Variants in PCDH17 observed in about 807,000 individuals in gnomAD.
The protein encoded by PCDH17 is protocadherin 17.
Under a neutral mutation model 67.7 loss-of-function variants are expected in PCDH17, and 21 were observed. That is an observed-to-expected ratio of 0.31 (90% CI 0.22 to 0.45). PCDH17 has a LOEUF of 0.45. Ranked by LOEUF, PCDH17 falls within the 20% of genes least tolerant of loss-of-function variation. The probability of loss-of-function intolerance (pLI) is 1.00; values close to 1 mark genes in which losing one functional copy is unlikely to be tolerated. For synonymous variants in PCDH17, 701 were observed against 656.7 expected (o/e 1.07, Z -1.03); for missense variants, 1,471 against 1,564.8 (o/e 0.94, Z 1.01).
intron 1 of PCDH17, among the ~76,000 whole-genome samples, chr13:57,643,522 A>G (rs577634116): frequency 1.3e-5 from 2 of 151,732 alleles, no homozygotes; most frequent in South Asian, 4.1e-4. Context: ...GAATTCTATT[A>G]TAATAGTGTC....
At chr13:57,649,835 A>G (rs1955014283) in intron 1 of PCDH17, among the ~76,000 whole-genome samples, 1 of 152,160 alleles carries the variant, frequency 6.6e-6, no homozygotes, top group African/African-American at 2.4e-5. Flanking sequence ...CTAGGGGAAG[A>G]GTTTCATACT....
intron 3 of PCDH17, among the ~76,000 whole-genome samples, chr13:57,673,968 C>T (rs1955356362): frequency 6.6e-6 from 1 of 151,944 alleles, no homozygotes; most frequent in East Asian, 1.9e-4. Flanking sequence ...TTGCAACTGC[C>T]CCCACAGTTT....
intron 3 of PCDH17, among the ~76,000 whole-genome samples, chr13:57,720,820 T>A (rs927518157): frequency 1.4e-4 from 22 of 152,210 alleles, no homozygotes; most frequent in African/African-American, 5.3e-4. Context: ...TTACTTCATC[T>A]GTTTTGCAAA....
At chr13:57,630,900 G>A (rs886217450), upstream of PCDH17, among the ~76,000 whole-genome samples, 1 of 152,112 alleles carries the variant, frequency 6.6e-6, no homozygotes, top group Non-Finnish European at 1.5e-5. Flanking sequence ...TGTCATTCCC[G>A]TATGTCGAGG....
chr13:57,698,481 C>G (rs545563048), intron 3 of PCDH17, among the ~76,000 whole-genome samples: 4 of 151,742 alleles, frequency 2.6e-5, no homozygotes, highest in Non-Finnish European at 5.9e-5. Flanking sequence ...GCTGCTTTCT[C>G]GATCCTTCCT....
In PCDH17 at chr13:57,725,514, C is replaced by G; in HGVS notation, c.*220C>G. 2.1e-6 allele frequency: 1 copy of G among 474,840 alleles called. No individual in the cohort carries two copies. Among genetic ancestry groups the G allele is most frequent in the Non-Finnish European group, 3.7e-6 (1 of 269,180 alleles). The allele number at this position is 474,840 out of a possible 1,614,324, so 29.4% of individuals were successfully genotyped here. A position where few individuals can be genotyped will look rare whatever the true frequency, so the allele number is the denominator to read the frequency against. ...CGTTTTGACCAAACTTGTATTAGGA[C>G]AGAATTAATGATGCTTAAAGAGAAA... On this transcript the variant is annotated 3_prime_UTR_variant, in exon 4 of 4. Transcript: ENST00000377918.
chr13:57,657,765 A>G (rs1270522872), intron 1 of PCDH17, among the ~76,000 whole-genome samples: 2 of 152,224 alleles, frequency 1.3e-5, no homozygotes, highest in Non-Finnish European at 2.9e-5. Context: ...GTATTTTTCA[A>G]AATTTTATTT....
chr13:57,711,498 G>A (rs999268783), intron 3 of PCDH17, among the ~76,000 whole-genome samples: 2 of 151,834 alleles, frequency 1.3e-5, no homozygotes, highest in Admixed American at 6.6e-5. Flanking sequence ...AAGAATGCAT[G>A]CATAACTATA....
intron 1 of PCDH17, among the ~76,000 whole-genome samples, chr13:57,649,125 G>A (rs1057246625): frequency 6.6e-6 from 1 of 152,174 alleles, no homozygotes; most frequent in East Asian, 1.9e-4. Flanking sequence ...TGAGCCAGAT[G>A]TACACAGCTT....
At chr13:57,680,853 C>G (rs1955441705) in intron 3 of PCDH17, among the ~76,000 whole-genome samples, 1 of 151,570 alleles carries the variant, frequency 6.6e-6, no homozygotes, top group Admixed American at 6.6e-5. Context: ...GTTGATTTTT[C>G]CCACTCATTT....
chr13:57,691,725 T>A (rs999161700), intron 3 of PCDH17, among the ~76,000 whole-genome samples: 2 of 151,248 alleles, frequency 1.3e-5, no homozygotes, highest in African/African-American at 4.8e-5. Flanking sequence ...TGAAAGGGAA[T>A]CCATGAGAAA....
At chr13:57,693,466 A>G (rs1263454937) in intron 3 of PCDH17, among the ~76,000 whole-genome samples, 1 of 149,292 alleles carries the variant, frequency 6.7e-6, no homozygotes, top group East Asian at 2.0e-4. Context: ...ACTTAGAGGA[A>G]TTGCAGATAG....
At chr13:57,678,722 C>T (rs1315216814) in intron 3 of PCDH17, among the ~76,000 whole-genome samples, 4 of 151,426 alleles carry the variant, frequency 2.6e-5, no homozygotes, top group South Asian at 2.1e-4. Context: ...GTCAAAAACA[C>T]GTGTGGCCAT....
intron 1 of PCDH17, among the ~76,000 whole-genome samples, chr13:57,640,593 G>A (rs140067918): frequency 1.3e-5 from 2 of 152,088 alleles, no homozygotes; most frequent in African/African-American, 4.8e-5. Flanking sequence ...CCATAAAATA[G>A]AGCTAGTGAC....
intron 3 of PCDH17, among the ~76,000 whole-genome samples, chr13:57,703,277 A>G (rs1294235270): frequency 6.6e-6 from 1 of 152,178 alleles, no homozygotes; most frequent in East Asian, 1.9e-4. Flanking sequence ...GGCATTCAAA[A>G]AATTTTTTTG....
At position 57,725,465 on chromosome 13, in the gene PCDH17, C is replaced by A. The variant is rs1323912806; in HGVS notation, c.*171C>A. The A allele has an allele frequency of 7.2e-6, 4 of 558,368 alleles. No individual in the cohort carries two copies. Among genetic ancestry groups the A allele is most frequent in the Admixed American group, 6.5e-5 (2 of 30,802 alleles). The allele number at this position is 558,368 out of a possible 1,614,324, so 34.6% of individuals were successfully genotyped here. A position where few individuals can be genotyped will look rare whatever the true frequency, so the allele number is the denominator to read the frequency against. On this transcript the variant is annotated 3_prime_UTR_variant, in exon 4 of 4. Transcript: ENST00000377918. Reference sequence around the variant, plus strand: ...AGTATGTTCTTTCCACTGCTGATTTCTTTTTCAGAGATAACAATGGTTTCG... The same window carrying A: ...AGTATGTTCTTTCCACTGCTGATTTATTTTTCAGAGATAACAATGGTTTCG...
intron 3 of PCDH17, among the ~76,000 whole-genome samples, chr13:57,718,297 T>G (rs1222475902): frequency 5.3e-5 from 8 of 152,032 alleles, no homozygotes. Flanking sequence ...CCAGGAAATT[T>G]GTAATATTAG....
At position 57,634,854 on chromosome 13, in the gene PCDH17, G is replaced by A. The variant is rs749478979; in HGVS notation, c.2308G>A (p.Val770Met). The part of the protein sequence containing the change: ...KKINKNDIML[V>M]QSEVEERNAM... ...GATCAACAAAAATGATATCATGCTG[G>A]TGCAGAGCGAAGTGGAGGAGAGGAA... Residue 770 changes from valine (V) to methionine (M), a missense_variant, in exon 1 of 4, where the codon GTG (valine) becomes ATG (methionine). Around this residue, in one of 3 missense-constraint regions of PCDH17, gnomAD observed 1,163 missense variants for 1,230.0 expected, o/e 0.95. Transcript: ENST00000377918. This position sits in a 1 kb window ranked among gnomAD's most constrained non-coding sequence, Gnocchi z 7.8. 1 of 1,613,998 alleles carries A rather than the reference G, an allele frequency of 6.2e-7. No individual in the cohort carries two copies. Among genetic ancestry groups the A allele is most frequent in the Non-Finnish European group, 8.5e-7 (1 of 1,180,026 alleles).
chr13:57,657,223 T>TAAA (rs1955116876), intron 1 of PCDH17, among the ~76,000 whole-genome samples: 1 of 152,206 alleles, frequency 6.6e-6, no homozygotes. Context: ...GCAGCAGACT[T>TAAA]AAAAATTCTT....
Sources: allele counts gnomAD v4.1 joint callset (sites outside exome capture counted in the v4.1 genomes callset), GRCh38; gene constraint gnomAD v4.1.1; regional missense constraint gnomAD v4.1.1; non-coding constraint Gnocchi (gnomAD v3.1); transcripts MANE v1.5; gene names NCBI Gene and HGNC (gene_info 2026-07-23, HGNC 2026-07-21).